Variants in SNPH observed in about 807,000 individuals in gnomAD.
SNPH encodes syntaphilin.
SNPH carries 10 observed loss-of-function variants against 36.8 expected under a neutral mutation model. That is an observed-to-expected ratio of 0.27 (90% CI 0.17 to 0.46). SNPH has a LOEUF of 0.46. Ranked by LOEUF, SNPH falls within the 20% of genes least tolerant of loss-of-function variation. The pLI is 1.00. For missense variants in SNPH, 622 were observed against 744.0 expected, an observed-to-expected ratio of 0.84 and a Z score of 1.91; for synonymous variants, 281 against 312.2, an observed-to-expected ratio of 0.90 and a Z score of 1.05.
At chr20:1,288,243 A>C (rs1342918533) in intron 2 of SNPH, among the ~76,000 whole-genome samples, 1 of 152,252 alleles carries the variant, frequency 6.6e-6, no homozygotes, top group Non-Finnish European at 1.5e-5. Context: ...TAGTGATAGC[A>C]AGAAATGTTC....
At chr20:1,267,826 T>C (rs1011095042) in intron 2 of SNPH, among the ~76,000 whole-genome samples, 21 of 152,194 alleles carry the variant, frequency 1.4e-4, no homozygotes, top group Non-Finnish European at 1.2e-4. Context: ...CAGTCCTATG[T>C]TGACATCCCT....
rs1292661737 is a variant in SNPH, at chr20:1,300,548, G to A, written c.291-14G>A. On this transcript the variant is annotated splice_polypyrimidine_tract_variant and intron_variant, in intron 5 of 6. Transcript: ENST00000381867. Reference sequence around the variant, plus strand: ...CCTCTTCCTCCCTCCCTGATGATGGGCGTCCCCTTGCAGGCGCTCCATGAA... The same window carrying A: ...CCTCTTCCTCCCTCCCTGATGATGGACGTCCCCTTGCAGGCGCTCCATGAA... 1 of 1,613,664 alleles carries A rather than the reference G, an allele frequency of 6.2e-7. No homozygotes were observed. The highest frequency in any genetic ancestry group is 1.3e-5 in the African/African-American group (1 of 74,896).
intron 2 of SNPH, among the ~76,000 whole-genome samples, chr20:1,281,938 C>T (rs548802075): frequency 1.2e-4 from 19 of 152,330 alleles, no homozygotes; most frequent in African/African-American, 1.9e-4. Context: ...CTCAGTTCCC[C>T]GCCTGCATTG....
chr20:1,300,938 C>G (rs1026333466), intron 6 of SNPH, among the ~76,000 whole-genome samples: 5 of 152,234 alleles, frequency 3.3e-5, no homozygotes, highest in Non-Finnish European at 7.3e-5. Context: ...CAGGCGGGAG[C>G]AGTTTCCCAT....
rs755330237 is a variant in SNPH at position 1,305,967 on chromosome 20, T to C, written c.1530T>C (p.Thr510=). Residue 510 remains threonine, a synonymous_variant, in exon 7 of 7, where the codon ACT becomes ACC. Transcript: ENST00000381867. ...NISSLLRGCC[T]VALHSIRRIS... ...GCTCCCTGCTGCGGGGCTGCTGCACTGTGGCCTTGCACTCCATCCGCAGGA... is the reference window on the plus strand; with the variant it reads ...GCTCCCTGCTGCGGGGCTGCTGCACCGTGGCCTTGCACTCCATCCGCAGGA... 6.4e-7 allele frequency: 1 copy of C among 1,560,284 alleles called. No individual in the cohort carries two copies. The highest frequency in any genetic ancestry group is 8.7e-7 in the Non-Finnish European group (1 of 1,153,312).
rs1172793071 is a variant in SNPH at position 1,300,731 on chromosome 20, C to A, written c.440+20C>A. On this transcript the variant is annotated intron_variant, in intron 6 of 6. Coordinates refer to ENST00000381867, the MANE Select transcript of SNPH (RefSeq NM_001318234.2). ...GGACCGGTGAGCGGGTGGCCACGAG[C>A]AGCCCTGGGGGTACCCCACCAGCTC... 1.9e-6 allele frequency: 3 copies of A among 1,601,336 alleles called. No homozygotes were observed. Among genetic ancestry groups the A allele is most frequent in the East Asian group, 4.5e-5 (2 of 44,754 alleles).
intron 2 of SNPH, among the ~76,000 whole-genome samples, chr20:1,284,608 G>A (rs1280097594): frequency 6.6e-6 from 1 of 152,182 alleles, no homozygotes; most frequent in African/African-American, 2.4e-5. Context: ...CTGAGAGGGT[G>A]ACCTTGGAGC....
At chr20:1,279,950 C>T (rs1020945391) in intron 2 of SNPH, among the ~76,000 whole-genome samples, 5 of 152,144 alleles carry the variant, frequency 3.3e-5, no homozygotes, top group Admixed American at 2.0e-4. Context: ...GCTCTCCAGC[C>T]GACCCTCCCA....
chr20:1,275,012 T>C (rs1026712217), intron 2 of SNPH, among the ~76,000 whole-genome samples: 2 of 152,170 alleles, frequency 1.3e-5, no homozygotes, highest in African/African-American at 4.8e-5. Flanking sequence ...CATCACCTCT[T>C]CTGTGAGGCA....
chr20:1,295,359 G>C (rs1235082892), intron 3 of SNPH, among the ~76,000 whole-genome samples: 1 of 152,192 alleles, frequency 6.6e-6, no homozygotes, highest in Non-Finnish European at 1.5e-5. Flanking sequence ...GGACTCGGGG[G>C]CAGGAACCAG....
intron 2 of SNPH, among the ~76,000 whole-genome samples, chr20:1,268,205 A>G (rs1482947600): frequency 6.6e-6 from 1 of 152,218 alleles, no homozygotes; most frequent in East Asian, 1.9e-4. Flanking sequence ...ATTCTAGCAA[A>G]TGATGGTCCC....
In SNPH at chr20:1,266,295, G is replaced by C; in HGVS notation, c.-702G>C. 1 of 174,294 alleles carries C rather than the reference G, an allele frequency of 5.7e-6. No homozygotes were observed. Among genetic ancestry groups the C allele is most frequent in the Non-Finnish European group, 1.2e-5 (1 of 83,320 alleles). The allele number at this position is 174,294 out of a possible 1,614,324, so 10.8% of individuals were successfully genotyped here. On this transcript the variant is annotated 5_prime_UTR_variant, in exon 1 of 7. Coordinates refer to ENST00000381867, the MANE Select transcript of SNPH (RefSeq NM_001318234.2). The surrounding 1 kb of genome is among the most constrained non-coding windows in gnomAD (Gnocchi z 6.0). ...CCCTCCCCGCCCCTCCCTCCCGGCA[G>C]CCCCAGCCCCGGCGAGCACCCAGCT...
intron 5 of SNPH, among the ~76,000 whole-genome samples, chr20:1,299,416 G>C (rs971740359): frequency 9.8e-5 from 15 of 152,340 alleles, no homozygotes; most frequent in Admixed American, 6.5e-5. Flanking sequence ...CAAGATCCAA[G>C]GTTTCTGTTT....
rs149399086 is a variant in SNPH at position 1,276,454 on chromosome 20, C to T, written c.-493+9694C>T. Among the ~76,000 whole-genome samples, 791 of 152,238 alleles carry T rather than the reference C, an allele frequency of 5.2e-3. 7 individuals carry two copies. The highest frequency in any genetic ancestry group is 0.018 in the African/African-American group (765 of 41,526). Reference sequence around the variant, plus strand: ...CTTGGACTGCTGTCTCCGTCTCTGCCGTGGACTGACTTTGTGACTGGGCAA... The same window carrying T: ...CTTGGACTGCTGTCTCCGTCTCTGCTGTGGACTGACTTTGTGACTGGGCAA... On this transcript the variant is annotated intron_variant, in intron 2 of 6. Transcript: ENST00000381867. The surrounding 1 kb of genome is among the most constrained non-coding windows in gnomAD (Gnocchi z 4.6).
At chr20:1,292,496 C>T (rs2088375264) in intron 2 of SNPH, among the ~76,000 whole-genome samples, 1 of 152,228 alleles carries the variant, frequency 6.6e-6, no homozygotes, top group Non-Finnish European at 1.5e-5. Flanking sequence ...TTGTTCCTGC[C>T]ATGACCCTGG....
chr20:1,273,985 AAAG>A (rs1389956092), intron 2 of SNPH, among the ~76,000 whole-genome samples: 1 of 152,188 alleles, frequency 6.6e-6, no homozygotes, highest in African/African-American at 2.4e-5. Context: ...TACTGCCTCT[AAAG>A]AAGTGATCGG....
At chr20:1,284,081 G>A (rs6033310) in intron 2 of SNPH, among the ~76,000 whole-genome samples, 151,214 of 152,296 alleles carry the variant, frequency 0.99, 75,079 homozygotes, top group East Asian at 1. Context: ...AGGGCACACA[G>A]CTCCCAGCTG....
intron 2 of SNPH, among the ~76,000 whole-genome samples, chr20:1,286,479 G>A (rs1027395238): frequency 6.6e-6 from 1 of 152,302 alleles, no homozygotes. Flanking sequence ...GGCTAAAACA[G>A]GCACAGTTGG....
intron 2 of SNPH, among the ~76,000 whole-genome samples, chr20:1,282,921 C>G (rs1053520360): frequency 6.6e-6 from 1 of 152,086 alleles, no homozygotes; most frequent in African/African-American, 2.4e-5. Flanking sequence ...TACATCCTAT[C>G]AGGGGCCCCT....
Sources: gnomAD v4.1 joint callset for allele counts (sites outside exome capture counted in the v4.1 genomes callset) on GRCh38, gnomAD v4.1.1 for gene constraint, Gnocchi (gnomAD v3.1) non-coding constraint, MANE v1.5 for transcripts, NCBI Gene and HGNC (gene_info 2026-07-23, HGNC 2026-07-21) for gene names.